Variants in UBXN11 observed in about 807,000 individuals in gnomAD.
UBXN11 encodes UBX domain protein 11.
A neutral mutation model predicts 62.8 loss-of-function variants in UBXN11; 47 were observed. The observed-to-expected ratio is 0.75, with a 90% CI of 0.59 to 0.95. UBXN11 has a LOEUF of 0.95. Ranked by LOEUF, UBXN11 falls within the 40% of genes least tolerant of loss-of-function variation. UBXN11 has a pLI of 0.00. For synonymous variants in UBXN11, 294 were observed against 267.0 expected, an observed-to-expected ratio of 1.10 and a Z score of -0.99; for missense variants, 638 against 661.7, an observed-to-expected ratio of 0.96 and a Z score of 0.39.
rs568069772 is a variant in UBXN11 at position 26,298,684 on chromosome 1, C to T, written c.200-622G>A. Reference sequence around the variant, plus strand: ...GCAGGTGCCTGTAATCCCAGCTACTCGAGAATCGCTTGAACCCAGGAGGCG... The same window carrying T: ...GCAGGTGCCTGTAATCCCAGCTACTTGAGAATCGCTTGAACCCAGGAGGCG... On this transcript the variant is annotated intron_variant, in intron 4 of 14. Coordinates refer to ENST00000374222, the MANE Select transcript of UBXN11 (RefSeq NM_001389556.1). Among the ~76,000 whole-genome samples the T allele has an allele frequency of 2.2e-4, 33 of 149,438 alleles. No homozygotes were observed. The South Asian group carries it at 6.8e-3, about 31-fold the overall frequency.
rs191333050 is a variant in UBXN11, at chr1:26,283,009, A to T, written c.1078-72T>A. On this transcript the variant is annotated intron_variant, in intron 12 of 14. Coordinates refer to ENST00000374222, the MANE Select transcript of UBXN11 (RefSeq NM_001389556.1). ...AGTCATCCCCACAAACCTTAGAGGGACACTTCCTTGACCAGGGACAGATGA... is the reference window on the plus strand; with the variant it reads ...AGTCATCCCCACAAACCTTAGAGGGTCACTTCCTTGACCAGGGACAGATGA... 1.2e-3 allele frequency: 1,961 copies of T among 1,593,664 alleles called. 4 individuals carry two copies. Among genetic ancestry groups the T allele is most frequent in the Non-Finnish European group, 1.6e-3 (1,843 of 1,162,564 alleles).
At chr1:26,284,518 C>G (rs1400961604) in intron 10 of UBXN11, 36 bp from the exon 11 acceptor site, 2 of 1,559,658 alleles carry the variant, frequency 1.3e-6, no homozygotes, top group Non-Finnish European at 1.7e-6. Context: ...GCAGCGGACC[C>G]AGCTCTTCAG....
intron 8 of UBXN11, among the ~76,000 whole-genome samples, chr1:26,287,903 AC>A (rs1435519683): frequency 1.4e-5 from 1 of 71,410 alleles, no homozygotes; most frequent in East Asian, 2.3e-4. Context: ...GCCTGCCTCA[AC>A]CCTTTTTTTT....
chr1:26,282,750 G>A lies in UBXN11; in HGVS notation c.1191C>T (p.Ser397=), dbSNP rs771374267. 4 of 1,614,062 alleles carry A rather than the reference G, an allele frequency of 2.5e-6. No homozygotes were observed. The highest frequency in any genetic ancestry group is 2.2e-5 in the East Asian group (1 of 44,904). ...CATTCTCAGACTTGATGCGCAGCAT[G>A]GAGAGCGGGGGTGCCGGCGTGTTGG... ...ESPNTPAPPL[S]MLRIKSENGE... Residue 397 remains serine, a synonymous_variant, in exon 14 of 15, where the codon TCC becomes TCT. Transcript: ENST00000374222.
At chr1:26,310,507 C>A (rs547893085), upstream of UBXN11, among the ~76,000 whole-genome samples, 110 of 150,526 alleles carry the variant, frequency 7.3e-4, no homozygotes, top group African/African-American at 1.6e-3. Flanking sequence ...CACTGCACTC[C>A]AGCCTGGGCA....
chr1:26,284,072 C>A, intron 12 of UBXN11, 70 bp downstream of exon 12: 1 of 1,459,274 alleles, frequency 6.9e-7, no homozygotes, highest in Middle Eastern at 1.8e-4. Context: ...AGACACTGTT[C>A]TGGCAGGCTG....
intron 1 of UBXN11, among the ~76,000 whole-genome samples, chr1:26,305,061 A>T (rs1395974860): frequency 6.6e-6 from 1 of 152,166 alleles, no homozygotes; most frequent in Admixed American, 6.5e-5. Flanking sequence ...AATAGTACAG[A>T]AAGATCCTTT....
rs187709665 is a variant in UBXN11, at chr1:26,292,582, G to A, written c.559+1623C>T. Among the ~76,000 whole-genome samples, 8 of 150,896 alleles carry A rather than the reference G, an allele frequency of 5.3e-5. No homozygotes were observed. The East Asian group carries it at 7.9e-4, about 15-fold the overall frequency. ...CTTTGAAAGCTGCAAATGGCTGGGC[G>A]CGGTGGCTCACACCTGTAATCCCAG... On this transcript the variant is annotated intron_variant, in intron 8 of 14. Transcript: ENST00000374222.
upstream of UBXN11, among the ~76,000 whole-genome samples, chr1:26,307,915 T>C (rs1201499926): frequency 6.6e-6 from 1 of 151,966 alleles, no homozygotes; most frequent in East Asian, 1.9e-4. Context: ...TATATGCAAA[T>C]TGGAAGCTAA....
intron 10 of UBXN11, 192 bp from the exon 11 acceptor site, chr1:26,284,674 T>C (rs148452287): frequency 9.6e-6 from 13 of 1,356,472 alleles, no homozygotes; most frequent in East Asian, 5.9e-5. Context: ...CTGCTGCTCC[T>C]GTAAGCACCC....
At chr1:26,305,952 C>T (rs1315779759) in intron 1 of UBXN11, among the ~76,000 whole-genome samples, 1 of 152,236 alleles carries the variant, frequency 6.6e-6, no homozygotes, top group Non-Finnish European at 1.5e-5. Context: ...TTCCCTACTT[C>T]CAGTGTCACT....
At chr1:26,294,023 T>C (rs2073336340) in intron 8 of UBXN11, among the ~76,000 whole-genome samples, 182 bp downstream of exon 8, 1 of 152,042 alleles carries the variant, frequency 6.6e-6, no homozygotes, top group Admixed American at 6.6e-5. Context: ...GCAGGTTAAG[T>C]GGTCAGTGAT....
chr1:26,317,974 A>G (rs376015947), intron 1 of UBXN11: 1 of 1,583,688 alleles, frequency 6.3e-7, no homozygotes, highest in African/African-American at 1.3e-5. Context: ...CCCTGAGATC[A>G]CCTAAAAAGC....
rs2073520308 is a variant in UBXN11 at position 26,301,002 on chromosome 1, ACT to A, written c.121_122del (p.Ser41Ter). ...TCTTTTCTTCTGAGCCACACCCATCACTCAACATGTCCACCTCATCTTCTGCA... is the reference window on the plus strand; with the variant it reads ...TCTTTTCTTCTGAGCCACACCCATCACAACATGTCCACCTCATCTTCTGCA... ...YGDEDEVDML[S>X]DGCGSEEKIS... On this transcript the variant is annotated frameshift_variant, in exon 4 of 15. Transcript: ENST00000374222. LOFTEE classifies it high-confidence loss of function. 6.2e-7 allele frequency: 1 copy of A among 1,613,950 alleles called. No individual in the cohort carries two copies. Among genetic ancestry groups the A allele is most frequent in the Non-Finnish European group, 8.5e-7 (1 of 1,179,994 alleles).
intron 1 of UBXN11, among the ~76,000 whole-genome samples, chr1:26,304,965 C>G (rs756820213): frequency 3.3e-5 from 5 of 151,830 alleles, no homozygotes; most frequent in Non-Finnish European, 7.4e-5. Context: ...GGCCAGCTAA[C>G]TCTTTTTTTT....
At chr1:26,305,979 C>T (rs992102522) in intron 1 of UBXN11, among the ~76,000 whole-genome samples, 2 of 152,234 alleles carry the variant, frequency 1.3e-5, no homozygotes, top group Admixed American at 6.5e-5. Flanking sequence ...CAGTCCGACA[C>T]ATTGTCTCCA....
intron 12 of UBXN11, among the ~76,000 whole-genome samples, chr1:26,283,336 G>A (rs2073048331): frequency 6.6e-6 from 1 of 152,180 alleles, no homozygotes; most frequent in Non-Finnish European, 1.5e-5. Flanking sequence ...AAGATCCTGG[G>A]TTCAGGGAAA....
chr1:26,290,626 G>A (rs954972998), intron 8 of UBXN11, among the ~76,000 whole-genome samples: 2 of 152,194 alleles, frequency 1.3e-5, no homozygotes, highest in African/African-American at 4.8e-5. Flanking sequence ...AGTCACGCAG[G>A]CTGCGGAGTC....
At chr1:26,301,862 C>G (rs1379217497) in intron 2 of UBXN11, 140 bp from the exon 3 acceptor site, 1 of 1,146,334 alleles carries the variant, frequency 8.7e-7, no homozygotes, top group Non-Finnish European at 1.2e-6. Context: ...GGACTTCCAG[C>G]CCCAAATCCC....
Sources: gnomAD v4.1 joint callset for allele counts (sites outside exome capture counted in the v4.1 genomes callset) on GRCh38, gnomAD v4.1.1 for gene constraint, MANE v1.5 for transcripts, NCBI Gene and HGNC (gene_info 2026-07-23, HGNC 2026-07-21) for gene names.